The following MAGI2 variants were observed in gnomAD, a reference collection of about 807,000 sequenced individuals.
MAGI2 encodes membrane associated guanylate kinase, WW and PDZ domain containing 2.
A neutral mutation model predicts 133.3 loss-of-function variants in MAGI2; 35 were observed. The ratio of observed to expected loss-of-function variants is 0.26; its 90% confidence interval spans 0.20 to 0.35. The LOEUF (loss-of-function observed/expected upper bound fraction) is 0.35. Among genes scored for constraint, MAGI2 ranks in the 10% least tolerant of loss-of-function variants. The pLI is 1.00. For synonymous variants in MAGI2, 729 were observed against 710.6 expected, an observed-to-expected ratio of 1.03 and a Z score of -0.41; for missense variants, 1,636 against 1,863.4, an observed-to-expected ratio of 0.88 and a Z score of 2.25.
Position 79,084,993 on chromosome 7 carries a change from C to T in MAGI2, c.302-77787G>A, listed in dbSNP as rs551907639. Among the ~76,000 whole-genome samples, 37 of 151,908 alleles carry T rather than the reference C, an allele frequency of 2.4e-4. No homozygotes were observed. In the South Asian group the frequency reaches 7.5e-3, roughly 31 times the overall value. On this transcript the variant is annotated intron_variant, in intron 1 of 21. Transcript: ENST00000354212. Reference sequence around the variant, plus strand: ...GTGATGAGTTTCTTCACTCTTGCTGCTTTCAAATTATTTATATTTGGCTTT... The same window carrying T: ...GTGATGAGTTTCTTCACTCTTGCTGTTTTCAAATTATTTATATTTGGCTTT...
At chr7:78,726,823 A>G (rs1272207141) in intron 2 of MAGI2, among the ~76,000 whole-genome samples, 1 of 152,222 alleles carries the variant, frequency 6.6e-6, no homozygotes. Flanking sequence ...TGTAGCAAAA[A>G]TAGTTGATAA....
intron 2 of MAGI2, among the ~76,000 whole-genome samples, chr7:78,796,087 G>C (rs1787589193): frequency 6.6e-6 from 1 of 152,006 alleles, no homozygotes; most frequent in Non-Finnish European, 1.5e-5. Context: ...AAAATTTTTG[G>C]GGTGAGACCT....
intron 2 of MAGI2, among the ~76,000 whole-genome samples, chr7:78,963,377 G>A (rs914221282): frequency 2.0e-5 from 3 of 152,080 alleles, no homozygotes; most frequent in African/African-American, 7.2e-5. Context: ...GAGTAGTATT[G>A]TCTTAGGGTA....
In MAGI2 at chr7:78,078,959, C is replaced by T. The variant is rs1338503062; in HGVS notation, c.3694G>A (p.Val1232Ile). Residue 1232 changes from valine to isoleucine, a missense_variant, in exon 21 of 22, where the codon GTC becomes ATC. By Grantham distance (29) the Val-to-Ile change is conservative. Around this residue, in one of 5 missense-constraint regions of MAGI2, gnomAD observed 49 missense variants for 103.8 expected, o/e 0.47. Transcript: ENST00000354212. ...RLLLKRGTGQ[V>I]PEYDEPAPWS... ...ACGTGAAACGTACCATATTCTGGGA[C>T]CTGTCCCGTGCCTCTCTTGAGCAGC... 3.1e-6 allele frequency: 5 copies of T among 1,613,666 alleles called. No homozygotes were observed. The highest frequency in any genetic ancestry group is 3.4e-6 in the Non-Finnish European group (4 of 1,179,928).
intron 2 of MAGI2, among the ~76,000 whole-genome samples, chr7:78,994,649 T>C (rs1806110321): frequency 6.6e-6 from 1 of 152,056 alleles, no homozygotes; most frequent in African/African-American, 2.4e-5. Flanking sequence ...CAGATAGACC[T>C]AGGTTTGAAT....
intron 10 of MAGI2, among the ~76,000 whole-genome samples, chr7:78,240,059 G>A (rs1324407917): frequency 6.6e-6 from 1 of 151,862 alleles, no homozygotes; most frequent in Non-Finnish European, 1.5e-5. Context: ...AGGTGTACAT[G>A]TGCCATGTTG....
At chr7:78,187,652 G>A (rs965167953) in intron 12 of MAGI2, among the ~76,000 whole-genome samples, 4 of 152,120 alleles carry the variant, frequency 2.6e-5, no homozygotes, top group African/African-American at 9.7e-5. Context: ...CCCAGTAAAG[G>A]CAAATTAGCT....
chr7:78,644,652 A>G (rs1810657854), intron 2 of MAGI2, among the ~76,000 whole-genome samples: 1 of 152,194 alleles, frequency 6.6e-6, no homozygotes, highest in African/African-American at 2.4e-5. Flanking sequence ...CTAAAGCAAG[A>G]ATTCAAGAGA....
At chr7:78,906,881 AG>A (rs1197700405) in intron 2 of MAGI2, among the ~76,000 whole-genome samples, 1 of 141,238 alleles carries the variant, frequency 7.1e-6, no homozygotes, top group African/African-American at 2.9e-5. Flanking sequence ...TATATTTAAA[AG>A]TAATGGCATT....
intron 2 of MAGI2, among the ~76,000 whole-genome samples, chr7:78,844,502 G>A (rs1367415642): frequency 2.6e-5 from 4 of 151,854 alleles, no homozygotes; most frequent in Non-Finnish European, 1.5e-5. Flanking sequence ...ACAGAGTACT[G>A]ATCCATGCTA....
intron 2 of MAGI2, among the ~76,000 whole-genome samples, chr7:78,907,277 A>C (rs990648900): frequency 6.6e-6 from 1 of 152,204 alleles, no homozygotes; most frequent in Non-Finnish European, 1.5e-5. Context: ...CCTTAATACC[A>C]GATGTTAAAT....
intron 3 of MAGI2, among the ~76,000 whole-genome samples, chr7:78,590,917 A>G (rs1249388233): frequency 6.6e-6 from 1 of 152,166 alleles, no homozygotes; most frequent in African/African-American, 2.4e-5. Flanking sequence ...TATTTCTGAG[A>G]AAAAAGGTAA....
intron 1 of MAGI2, among the ~76,000 whole-genome samples, chr7:79,087,809 T>C (rs549291217): frequency 6.6e-6 from 1 of 152,168 alleles, no homozygotes; most frequent in East Asian, 1.9e-4. Context: ...TGGTTGTAGA[T>C]GTGTGGTGTT....
At chr7:78,077,122 CATGCAGGTTAGAT>C (rs1327390582) in intron 21 of MAGI2, among the ~76,000 whole-genome samples, 4 of 151,992 alleles carry the variant, frequency 2.6e-5, no homozygotes, top group Non-Finnish European at 5.9e-5. Context: ...TCAGGATAGT[CATGCAGGTTAGAT>C]TAACTTTTTA....
intron 1 of MAGI2, among the ~76,000 whole-genome samples, chr7:79,081,861 A>T (rs1389399860): frequency 6.6e-6 from 1 of 152,096 alleles, no homozygotes. Context: ...TGAAACAATT[A>T]CATTTGATGC....
chr7:79,450,725 G>A (rs1029651508), intron 1 of MAGI2, among the ~76,000 whole-genome samples: 2 of 152,060 alleles, frequency 1.3e-5, no homozygotes, highest in African/African-American at 4.8e-5. Context: ...ATCAAATTAT[G>A]GCAAGATTCA....
At chr7:78,373,860 TC>T (rs1794180139) in intron 6 of MAGI2, among the ~76,000 whole-genome samples, 6 of 152,196 alleles carry the variant, frequency 3.9e-5, no homozygotes, top group Non-Finnish European at 8.8e-5. Context: ...TTTGATTTTC[TC>T]TTCCTGCATT....
chr7:79,418,830 TACACACACACACACACACAC>T (rs57172659), intron 1 of MAGI2, among the ~76,000 whole-genome samples: 36,315 of 137,874 alleles, frequency 0.26, 6,420 homozygotes, highest in African/African-American at 0.51. Flanking sequence ...CCAATACACA[TACACACACACACACACACAC>T]ACACACACAC....
chr7:78,738,517 G>A (rs1003724556), intron 2 of MAGI2, among the ~76,000 whole-genome samples: 2 of 152,008 alleles, frequency 1.3e-5, no homozygotes, highest in African/African-American at 4.8e-5. Flanking sequence ...TGCTTAGTTT[G>A]CTAACAAATC....
Sources: allele counts gnomAD v4.1 joint callset (sites outside exome capture counted in the v4.1 genomes callset), GRCh38; gene constraint gnomAD v4.1.1; regional missense constraint gnomAD v4.1.1; transcripts MANE v1.5; gene names NCBI Gene and HGNC (gene_info 2026-07-23, HGNC 2026-07-21).